The following FAP variants were observed in gnomAD, a reference collection of about 807,000 sequenced individuals.
FAP encodes the protein prolyl endopeptidase FAP.
In FAP, 110 loss-of-function variants were observed where a neutral mutation model predicts 126.5. That is an observed-to-expected ratio of 0.87 (90% CI 0.74 to 1.02). The LOEUF (loss-of-function observed/expected upper bound fraction) is 1.02, where lower values mean the gene tolerates loss of function less well. Among genes scored for constraint, FAP ranks in the 50% least tolerant of loss-of-function variants. The pLI is 0.00. For missense variants in FAP, 919 were observed against 909.2 expected, an observed-to-expected ratio of 1.01 and a Z score of -0.14; for synonymous variants, 334 against 297.3, an observed-to-expected ratio of 1.12 and a Z score of -1.27.
chr2:162,174,624 A>G (rs1226626658), intron 22 of FAP, among the ~76,000 whole-genome samples: 3 of 152,166 alleles, frequency 2.0e-5, no homozygotes, highest in Admixed American at 6.6e-5. Flanking sequence ...GCAGGGGCTC[A>G]AGGTTTCTGG....
At position 162,198,133 on chromosome 2, in the gene FAP, G is replaced by C. The variant is rs1576157154; in HGVS notation, c.1402+624C>G. ...GTCCTAAACAACCAGGAAATGTTTTGTAGATTTTATTACTTATGGTTTGTT... is the reference window on the plus strand; with the variant it reads ...GTCCTAAACAACCAGGAAATGTTTTCTAGATTTTATTACTTATGGTTTGTT... On this transcript the variant is annotated intron_variant, in intron 16 of 25. Coordinates refer to ENST00000188790, the MANE Select transcript of FAP (RefSeq NM_004460.5). 7 of 1,239,828 alleles carry C rather than the reference G, an allele frequency of 5.6e-6. No homozygotes were observed. The East Asian group carries it at 4.0e-4, about 70-fold the overall frequency. 76.8% of individuals were successfully genotyped at this position (1,239,828 alleles called of 1,614,324 possible). A position where few individuals can be genotyped will look rare whatever the true frequency, so the allele number is the denominator to read the frequency against.
chr2:162,211,076 G>T (rs1405105180), intron 11 of FAP, among the ~76,000 whole-genome samples: 1 of 152,122 alleles, frequency 6.6e-6, no homozygotes, highest in Non-Finnish European at 1.5e-5. Context: ...GTTGACCGTG[G>T]TTATTTGATA....
At chr2:162,220,056 A>C in intron 6 of FAP, 131 bp from the exon 7 acceptor site, 1 of 642,672 alleles carries the variant, frequency 1.6e-6, no homozygotes, top group Non-Finnish European at 2.7e-6. Flanking sequence ...CACAAACCTA[A>C]TGAAAAGAAT....
chr2:162,209,832 C>A, intron 12 of FAP, 120 bp downstream of exon 12: 1 of 826,406 alleles, frequency 1.2e-6, no homozygotes, highest in South Asian at 1.5e-5. Context: ...TGTTTTATAC[C>A]TTGCTACTTT....
chr2:162,242,025 A>T (rs1159709738), intron 2 of FAP, among the ~76,000 whole-genome samples: 1 of 152,178 alleles, frequency 6.6e-6, no homozygotes, highest in Non-Finnish European at 1.5e-5. Flanking sequence ...ACTATCAGTT[A>T]ACTTTTAACC....
intron 16 of FAP, among the ~76,000 whole-genome samples, chr2:162,196,869 T>C (rs1032636055): frequency 1.3e-5 from 2 of 152,174 alleles, no homozygotes; most frequent in African/African-American, 4.8e-5. Context: ...TTTTGCTAAA[T>C]GGGAAATTAC....
rs1687949104 is a variant in FAP at position 162,189,013 on chromosome 2, A to C, written c.1619+90T>G. The C allele has an allele frequency of 2.0e-5, 15 of 735,190 alleles. 1 individual carries two copies. In the South Asian group the frequency reaches 3.5e-4, roughly 17 times the overall value. 45.5% of individuals were successfully genotyped at this position (735,190 alleles called of 1,614,324 possible). ...ACAGCATCAATAGGCACTGTTACCAAGGAGAATGGTTCATTCTATTTCATA... is the reference window on the plus strand; with the variant it reads ...ACAGCATCAATAGGCACTGTTACCACGGAGAATGGTTCATTCTATTTCATA... On this transcript the variant is annotated intron_variant, in intron 19 of 25. Coordinates refer to ENST00000188790, the MANE Select transcript of FAP (RefSeq NM_004460.5).
chr2:162,188,512 C>T, intron 19 of FAP, 149 bp from the exon 20 acceptor site: 1 of 726,192 alleles, frequency 1.4e-6, no homozygotes, highest in Non-Finnish European at 2.2e-6. Context: ...CAAGAGGAGT[C>T]CAGGCTTTTC....
intron 6 of FAP, among the ~76,000 whole-genome samples, chr2:162,221,068 G>A (rs537590301): frequency 6.6e-6 from 1 of 152,290 alleles, no homozygotes; most frequent in Admixed American, 6.5e-5. Context: ...TTAGGTGCCT[G>A]CATGAGACCT....
At chr2:162,198,614 AT>A (rs1192410840) in intron 16 of FAP, 142 bp downstream of exon 16, 35 of 1,096,132 alleles carry the variant, frequency 3.2e-5, no homozygotes, top group East Asian at 2.9e-4. Flanking sequence ...TCCTCCTTTA[AT>A]TTTTTTTCTA....
At position 162,228,914 on chromosome 2, in the gene FAP, C is replaced by T. The variant is rs146605083; in HGVS notation, c.92-2293G>A. On this transcript the variant is annotated intron_variant, in intron 2 of 25. Coordinates refer to ENST00000188790, the MANE Select transcript of FAP (RefSeq NM_004460.5). ...CACTATTCATAGTGGAACTTATTTT[C>T]CACTTGAGACACATTTAGTTTGTGC... 6.6e-5 allele frequency among the ~76,000 whole-genome samples: 10 copies of T among 152,160 alleles called. No individual in the cohort carries two copies. The East Asian group carries it at 1.9e-3, about 29-fold the overall frequency.
rs552929064 is a variant in FAP, at chr2:162,197,953, C to T, written c.1402+804G>A. On this transcript the variant is annotated intron_variant, in intron 16 of 25. Transcript: ENST00000188790. ...TTCCCGAGTCAGTTTTCCAAATCTC[C>T]ATAATGACTACTTAGACCCCAATAT... Among the ~76,000 whole-genome samples, 284 of 152,252 alleles carry T rather than the reference C, an allele frequency of 1.9e-3. 3 individuals are homozygous for T. Among genetic ancestry groups the T allele is most frequent in the Middle Eastern group, 3.4e-3 (1 of 294 alleles).
chr2:162,239,133 C>A (rs6757724), intron 2 of FAP, among the ~76,000 whole-genome samples: 1,908 of 152,174 alleles, frequency 0.013, 39 homozygotes, highest in African/African-American at 0.042. Flanking sequence ...ACTTCCCAAA[C>A]ACTTTTCTGA....
chr2:162,204,448 T>C (rs1460503076), intron 12 of FAP, among the ~76,000 whole-genome samples: 1 of 152,128 alleles, frequency 6.6e-6, no homozygotes, highest in East Asian at 1.9e-4. Context: ...AGTAAAGATG[T>C]GTATTAAAGA....
intron 2 of FAP, among the ~76,000 whole-genome samples, chr2:162,242,564 C>T (rs1269432863): frequency 6.6e-6 from 1 of 152,090 alleles, no homozygotes; most frequent in African/African-American, 2.4e-5. Context: ...ACGAGACAAA[C>T]CTAATAATGA....
Position 162,188,338 on chromosome 2 carries a change from C to G in FAP, c.1645G>C (p.Val549Leu), listed in dbSNP as rs771148895. 6.2e-7 allele frequency: 1 copy of G among 1,613,070 alleles called. No individual in the cohort carries two copies. The change falls in exon 20 of 26, where the codon GTA becomes CTA. Residue 549 changes from valine to leucine, a missense_variant. By Grantham distance (32) the Val-to-Leu change is conservative (BLOSUM62 1). Coordinates refer to ENST00000188790, the MANE Select transcript of FAP (RefSeq NM_004460.5). ...QVYGGPCSQSVRSVFAVNWIS... is the reference protein window; with the variant it reads ...QVYGGPCSQSLRSVFAVNWIS... ...CAATTAACAGCAAATACAGACCTTACACTCTGACTGCAGGGACCACCATAC... is the reference window on the plus strand; with the variant it reads ...CAATTAACAGCAAATACAGACCTTAGACTCTGACTGCAGGGACCACCATAC...
intron 14 of FAP, 85 bp downstream of exon 14, chr2:162,202,787 A>G (rs1011930841): frequency 8.3e-6 from 8 of 960,328 alleles, no homozygotes; most frequent in Non-Finnish European, 1.3e-5. Context: ...AATCTTCTTA[A>G]CTAAGAGAGT....
At chr2:162,239,962 T>C (rs1216665981) in intron 2 of FAP, among the ~76,000 whole-genome samples, 1 of 152,236 alleles carries the variant, frequency 6.6e-6, no homozygotes, top group Non-Finnish European at 1.5e-5. Context: ...GTTAAATCTC[T>C]TGAAGCAAGA....
At chr2:162,174,595 A>AT (rs1687422087) in intron 22 of FAP, among the ~76,000 whole-genome samples, 1 of 152,176 alleles carries the variant, frequency 6.6e-6, no homozygotes. Flanking sequence ...GTTAGCTCTG[A>AT]TTTTAAAGAT....
Sources: gnomAD v4.1 joint callset for allele counts (sites outside exome capture counted in the v4.1 genomes callset) on GRCh38, gnomAD v4.1.1 for gene constraint, MANE v1.5 for transcripts, NCBI Gene and HGNC (gene_info 2026-07-23, HGNC 2026-07-21) for gene names.